The following UNC79 variants were observed in gnomAD, a reference collection of about 807,000 sequenced individuals.
The protein encoded by UNC79 is unc-79 subunit of NALCN channel complex.
A neutral mutation model predicts 283.1 loss-of-function variants in UNC79; 37 were observed. That is an observed-to-expected ratio of 0.13 (90% CI 0.10 to 0.17). The LOEUF is 0.17. UNC79 is among the 10% of genes least tolerant of loss of function. The pLI is 1.00. For synonymous variants in UNC79, 1,107 were observed against 1,200.2 expected, an observed-to-expected ratio of 0.92 and a Z score of 1.61; for missense variants, 2,272 against 3,211.1, an observed-to-expected ratio of 0.71 and a Z score of 7.07.
At chr14:93,637,428 C>A in intron 32 of UNC79, 129 bp downstream of exon 35, 1 of 1,462,946 alleles carries the variant, frequency 6.8e-7, no homozygotes, top group Non-Finnish European at 9.0e-7. Context: ...TTTGCCCAAA[C>A]ACCCCCAGTG....
intron 1 of UNC79, among the ~76,000 whole-genome samples, chr14:93,422,091 G>T (rs974844539): frequency 6.6e-6 from 1 of 151,754 alleles, no homozygotes; most frequent in Non-Finnish European, 1.5e-5. Context: ...ACCCTCAGGA[G>T]GTCCTGATGA....
intron 1 of UNC79, among the ~76,000 whole-genome samples, chr14:93,338,180 C>T (rs1483822014): frequency 6.6e-6 from 1 of 152,116 alleles, no homozygotes; most frequent in African/African-American, 2.4e-5. Context: ...CTGCCGGCCA[C>T]AGAGGTTTCC....
intron 14 of UNC79, among the ~76,000 whole-genome samples, chr14:93,555,151 A>G (rs1567104315): frequency 1.3e-5 from 2 of 152,220 alleles, no homozygotes; most frequent in Non-Finnish European, 2.9e-5. Context: ...ATTTTATTTC[A>G]TTAATAGTCT....
intron 40 of UNC79, among the ~76,000 whole-genome samples, chr14:93,663,676 C>G (rs1432441943): frequency 6.6e-6 from 1 of 152,034 alleles, no homozygotes; most frequent in Non-Finnish European, 1.5e-5. Flanking sequence ...TATTTATTAC[C>G]CTGCCTGGAG....
At chr14:93,367,377 G>A (rs1268665825) in intron 1 of UNC79, among the ~76,000 whole-genome samples, 4 of 152,126 alleles carry the variant, frequency 2.6e-5, no homozygotes, top group African/African-American at 9.7e-5. Context: ...AAAGTGGATG[G>A]TAGCCAGCAG....
chr14:93,383,767 C>A (rs932204750), intron 1 of UNC79, among the ~76,000 whole-genome samples: 5 of 152,124 alleles, frequency 3.3e-5, no homozygotes, highest in Admixed American at 2.6e-4. Flanking sequence ...AGAATTGTAA[C>A]ACGCACAATT....
intron 29 of UNC79, among the ~76,000 whole-genome samples, chr14:93,619,855 C>A (rs1233511710): frequency 6.6e-6 from 1 of 152,178 alleles, no homozygotes; most frequent in Non-Finnish European, 1.5e-5. Context: ...CAGTGATATT[C>A]AACTTGAATA....
intron 5 of UNC79, among the ~76,000 whole-genome samples, chr14:93,489,746 G>A (rs1405599295): frequency 6.6e-6 from 1 of 152,208 alleles, no homozygotes; most frequent in African/African-American, 2.4e-5. Context: ...GCCATGTAGG[G>A]GTTGGGCCCC....
At chr14:93,639,097 G>A (rs1437318764) in intron 32 of UNC79, among the ~76,000 whole-genome samples, 1 of 152,202 alleles carries the variant, frequency 6.6e-6, no homozygotes, top group Non-Finnish European at 1.5e-5. Context: ...CTGCCAGAAT[G>A]ACTTCGAGTG....
intron 1 of UNC79, among the ~76,000 whole-genome samples, chr14:93,448,460 A>C (rs894738888): frequency 6.6e-6 from 1 of 152,184 alleles, no homozygotes; most frequent in East Asian, 1.9e-4. Flanking sequence ...AGTTTTAGCA[A>C]TTCATTAAAA....
At position 93,335,227 on chromosome 14, in the gene UNC79, C is replaced by G. The variant is rs1317730527; in HGVS notation, c.-351+1704C>G. Among the ~76,000 whole-genome samples the G allele has an allele frequency of 2.0e-5, 3 of 152,186 alleles. No homozygotes were observed. In the East Asian group the frequency reaches 5.8e-4, roughly 29 times the overall value. On this transcript the variant is annotated intron_variant, in intron 1 of 49. Coordinates refer to the UNC79 transcript ENST00000256339. ...GATCTAGAAACCATTTGTAAGTGATCCATGATTTTTTTCTACCCTTTAATT... is the reference window on the plus strand; with the variant it reads ...GATCTAGAAACCATTTGTAAGTGATGCATGATTTTTTTCTACCCTTTAATT...
chr14:93,548,926 A>G (rs1246208055), intron 14 of UNC79, among the ~76,000 whole-genome samples: 1 of 152,228 alleles, frequency 6.6e-6, no homozygotes, highest in East Asian at 1.9e-4. Flanking sequence ...CCTATTGTAT[A>G]TCAGCATTTT....
intron 31 of UNC79, among the ~76,000 whole-genome samples, chr14:93,632,468 G>A (rs1013875667): frequency 5.9e-5 from 9 of 152,314 alleles, no homozygotes; most frequent in African/African-American, 1.9e-4. Context: ...GGAAGCTGAG[G>A]CAGGAGGATC....
intron 31 of UNC79, among the ~76,000 whole-genome samples, 154 bp downstream of exon 34, chr14:93,634,791 A>G (rs956373860): frequency 9.2e-5 from 14 of 152,312 alleles, no homozygotes; most frequent in African/African-American, 3.1e-4. Flanking sequence ...TAGTAAGTCT[A>G]TTTAAACTTC....
At chr14:93,359,075 T>C (rs1197548992) in intron 1 of UNC79, among the ~76,000 whole-genome samples, 1 of 152,248 alleles carries the variant, frequency 6.6e-6, no homozygotes, top group Non-Finnish European at 1.5e-5. Context: ...TGGATCAGGC[T>C]GAATTTATTG....
At chr14:93,457,164 T>C (rs2056819436) in intron 1 of UNC79, among the ~76,000 whole-genome samples, 1 of 152,240 alleles carries the variant, frequency 6.6e-6, no homozygotes, top group Non-Finnish European at 1.5e-5. Context: ...TATTCATTCA[T>C]TTCTTCATTT....
Position 93,496,404 on chromosome 14 carries a change from A to T in UNC79, c.713-7A>T. On this transcript the variant is annotated splice_region_variant and splice_polypyrimidine_tract_variant and intron_variant, in intron 5 of 48. Transcript: ENST00000555664. ...TTCATGTATGAATTACATTTTCTACATTACAGTGTATCATTGTCAATTACT... is the reference window on the plus strand; with the variant it reads ...TTCATGTATGAATTACATTTTCTACTTTACAGTGTATCATTGTCAATTACT... 6.5e-7 allele frequency: 1 copy of T among 1,532,914 alleles called. No individual in the cohort carries two copies. The highest frequency in any genetic ancestry group is 8.8e-7 in the Non-Finnish European group (1 of 1,142,742). The allele number at this position is 1,532,914 out of a possible 1,614,324, so 95.0% of individuals were successfully genotyped here.
chr14:93,676,753 C>T (rs1181758037), intron 41 of UNC79, among the ~76,000 whole-genome samples: 2 of 152,200 alleles, frequency 1.3e-5, no homozygotes, highest in African/African-American at 2.4e-5. Flanking sequence ...TTAAATTACC[C>T]AGTGCTTAAG....
At chr14:93,481,657 C>T (rs751892466) in intron 4 of UNC79, among the ~76,000 whole-genome samples, 2 of 152,076 alleles carry the variant, frequency 1.3e-5, no homozygotes, top group Non-Finnish European at 2.9e-5. Context: ...ATCTTAAAGG[C>T]AATTGCGTGA....
Sources: gnomAD v4.1 joint callset for allele counts (sites outside exome capture counted in the v4.1 genomes callset) on GRCh38, gnomAD v4.1.1 for gene constraint, MANE v1.5 for transcripts, NCBI Gene and HGNC (gene_info 2026-07-23, HGNC 2026-07-21) for gene names.